SARNP: variants seen among roughly 807,000 people sequenced by gnomAD.
SARNP encodes SAP domain-containing ribonucleoprotein.
A neutral mutation model predicts 38.1 loss-of-function variants in SARNP; 5 were observed. That is an observed-to-expected ratio of 0.13 (90% CI 0.07 to 0.28). SARNP has a LOEUF of 0.28. SARNP is among the 10% of genes least tolerant of loss of function. The pLI, the probability that SARNP is intolerant of heterozygous loss-of-function variation, is 1.00. For synonymous variants in SARNP, 84 were observed against 80.6 expected (o/e 1.04, Z -0.23); for missense variants, 180 against 243.9 (o/e 0.74, Z 1.75).
At chr12:55,760,518 A>G (rs1878643332) in intron 10 of SARNP, 33 bp downstream of exon 10, 3 of 1,181,494 alleles carry the variant, frequency 2.5e-6, no homozygotes, top group Non-Finnish European at 3.8e-6. Flanking sequence ...ATTTCCCTTC[A>G]AGGTCTATGA....
Position 55,794,348 on chromosome 12 carries a change from T to C in SARNP, c.406+11A>G. The stretch of plus-strand genomic sequence containing the variant: ...AAGGTAACTTTCTCAGAAGTATCTC[T>C]GTACTCTTACCTTTTGTTGGAACTG... On this transcript the variant is annotated intron_variant, in intron 7 of 10. Coordinates refer to ENST00000336133, the MANE Select transcript of SARNP (RefSeq NM_033082.4). 6.2e-7 allele frequency: 1 copy of C among 1,605,014 alleles called. No individual in the cohort carries two copies. Among genetic ancestry groups the C allele is most frequent in the Non-Finnish European group, 8.5e-7 (1 of 1,174,772 alleles).
Position 55,790,552 on chromosome 12 carries a change from A to G in SARNP, c.432+15T>C. On this transcript the variant is annotated intron_variant, in intron 8 of 10. Coordinates refer to ENST00000336133, the MANE Select transcript of SARNP (RefSeq NM_033082.4). ...TAAGATCTGGGTGTGTAAGAAATAAAAAAAGATTTCTTACCATAGGTTTGT... is the reference window on the plus strand; with the variant it reads ...TAAGATCTGGGTGTGTAAGAAATAAGAAAAGATTTCTTACCATAGGTTTGT... 1 of 1,561,260 alleles carries G rather than the reference A, an allele frequency of 6.4e-7. No homozygotes were observed.
At chr12:55,802,459 T>C (rs1262144672) in intron 2 of SARNP, among the ~76,000 whole-genome samples, 2 of 151,978 alleles carry the variant, frequency 1.3e-5, no homozygotes, top group Non-Finnish European at 2.9e-5. Context: ...GCTGATATGA[T>C]ACAAGTGGAA....
In SARNP at chr12:55,802,925, TA is replaced by T. The variant is rs755202709; in HGVS notation, c.136+703del. 2.9e-3 allele frequency among the ~76,000 whole-genome samples: 396 copies of T among 137,076 alleles called. 2 individuals carry two copies. The highest frequency in any genetic ancestry group is 0.028 in the South Asian group (123 of 4,368). 89.9% of individuals were successfully genotyped at this position (137,076 alleles called of 152,430 possible). A position where few individuals can be genotyped will look rare whatever the true frequency, so the allele number is the denominator to read the frequency against. On this transcript the variant is annotated intron_variant, in intron 2 of 10. Coordinates refer to ENST00000336133, the MANE Select transcript of SARNP (RefSeq NM_033082.4). ...GTCACATTCCACATGGACGCATCTTTAAAAAAAAAAAAACACAATACTTAGT... is the reference window on the plus strand; with the variant it reads ...GTCACATTCCACATGGACGCATCTTTAAAAAAAAAAAACACAATACTTAGT...
chr12:55,798,144 C>T (rs1879873511), intron 4 of SARNP, among the ~76,000 whole-genome samples: 1 of 152,074 alleles, frequency 6.6e-6, no homozygotes, highest in South Asian at 2.1e-4. Context: ...TTATAAACAT[C>T]TTATGATGGA....
At chr12:55,813,639 G>A (rs146099967) in intron 1 of SARNP, among the ~76,000 whole-genome samples, 43 of 148,420 alleles carry the variant, frequency 2.9e-4, no homozygotes, top group Non-Finnish European at 4.7e-4. Context: ...CCACCTACGC[G>A]GTTCAAGTGA....
At chr12:55,790,512 T>C in intron 8 of SARNP, 55 bp downstream of exon 8, 1 of 1,521,002 alleles carries the variant, frequency 6.6e-7, no homozygotes, top group Non-Finnish European at 8.8e-7. Context: ...GTCTCTAAAG[T>C]TAGCTATATA....
intron 8 of SARNP, 148 bp downstream of exon 8, chr12:55,790,419 T>C: frequency 1.1e-6 from 1 of 870,966 alleles, no homozygotes. Flanking sequence ...CAACAATTTT[T>C]TAAATTCAAG....
At chr12:55,773,618 A>G (rs1175348190) in intron 9 of SARNP, among the ~76,000 whole-genome samples, 1 of 152,246 alleles carries the variant, frequency 6.6e-6, no homozygotes, top group Non-Finnish European at 1.5e-5. Flanking sequence ...GGAGGCAACT[A>G]GGTTGCAGCA....
At chr12:55,772,822 C>G (rs1879048606) in intron 9 of SARNP, among the ~76,000 whole-genome samples, 1 of 149,452 alleles carries the variant, frequency 6.7e-6, no homozygotes, top group Non-Finnish European at 1.5e-5. Flanking sequence ...TCAAGTGATT[C>G]TCCTGCCTCA....
intron 4 of SARNP, among the ~76,000 whole-genome samples, chr12:55,800,047 G>A (rs1407903449): frequency 2.0e-5 from 3 of 151,550 alleles, no homozygotes; most frequent in Admixed American, 6.6e-5. Context: ...AAAATCAGTC[G>A]GGCAGTAGTG....
chr12:55,785,819 G>A (rs1039359417), intron 9 of SARNP, among the ~76,000 whole-genome samples: 6 of 151,274 alleles, frequency 4.0e-5, no homozygotes, highest in Non-Finnish European at 8.8e-5. Context: ...TGTCACCCAG[G>A]CTGGAGTGCA....
At chr12:55,766,669 C>T (rs1251261751) in intron 9 of SARNP, among the ~76,000 whole-genome samples, 2 of 135,192 alleles carry the variant, frequency 1.5e-5, no homozygotes, top group African/African-American at 2.8e-5. Flanking sequence ...GTCACCCAGG[C>T]TGGAGTGTAG....
intron 9 of SARNP, among the ~76,000 whole-genome samples, chr12:55,788,754 C>G (rs1315201044): frequency 6.6e-6 from 1 of 152,034 alleles, no homozygotes; most frequent in Non-Finnish European, 1.5e-5. Context: ...GAGCCGTGAT[C>G]GCACCACTGC....
intron 1 of SARNP, among the ~76,000 whole-genome samples, chr12:55,809,920 T>A (rs1443937561): frequency 6.6e-6 from 1 of 152,154 alleles, no homozygotes; most frequent in Non-Finnish European, 1.5e-5. Flanking sequence ...TTGGGAAAAG[T>A]GTAGGAAAGA....
Position 55,800,581 on chromosome 12 carries a change from G to C in SARNP, c.232C>G (p.Pro78Ala). Reference sequence around the variant, plus strand: ...AATTACACATCAACAGTTTTTTCAGGGGGTTCTTCCTCTTTGACAGGGAGC... The same window carrying C: ...AATTACACATCAACAGTTTTTTCAGCGGGTTCTTCCTCTTTGACAGGGAGC... ...IELPVKEEEP[P>A]EKTVDVAAEK... is the part of the protein sequence containing the mutation. Residue 78 changes from proline (P) to alanine (A), a missense_variant, in exon 4 of 11, where the codon CCT becomes GCT. Coordinates refer to ENST00000336133, the MANE Select transcript of SARNP (RefSeq NM_033082.4). 6.2e-7 allele frequency: 1 copy of C among 1,610,482 alleles called. No individual in the cohort carries two copies.
At chr12:55,809,785 A>G (rs1317746063) in intron 1 of SARNP, among the ~76,000 whole-genome samples, 14 of 152,134 alleles carry the variant, frequency 9.2e-5, no homozygotes, top group Middle Eastern at 3.4e-3. Flanking sequence ...AGAACATTCT[A>G]TAAGGATACT....
At chr12:55,782,463 C>G (rs1334475541) in intron 9 of SARNP, among the ~76,000 whole-genome samples, 1 of 152,214 alleles carries the variant, frequency 6.6e-6, no homozygotes, top group African/African-American at 2.4e-5. Flanking sequence ...CAAATTAGCA[C>G]AGCAGTTAAT....
At chr12:55,774,670 C>A (rs939567565) in intron 9 of SARNP, among the ~76,000 whole-genome samples, 2 of 150,274 alleles carry the variant, frequency 1.3e-5, no homozygotes, top group African/African-American at 4.9e-5. Context: ...ATTGATTAAA[C>A]CCAGGAAGTG....
Sources: allele counts gnomAD v4.1 joint callset (sites outside exome capture counted in the v4.1 genomes callset), GRCh38; gene constraint gnomAD v4.1.1; transcripts MANE v1.5; gene names NCBI Gene and HGNC (gene_info 2026-07-23, HGNC 2026-07-21).